The following GRIK2 variants were observed in gnomAD, a reference collection of about 807,000 sequenced individuals.
GRIK2 encodes glutamate ionotropic receptor kainate type subunit 2, also known as glutamate receptor ionotropic, kainate 2.
In GRIK2, 32 loss-of-function variants were observed where a neutral mutation model predicts 100.3. The ratio of observed to expected loss-of-function variants is 0.32; its 90% CI spans 0.24 to 0.43. The LOEUF (loss-of-function observed/expected upper bound fraction) is 0.43, where lower values mean the gene tolerates loss of function less well. Ranked by LOEUF, GRIK2 falls within the 20% of genes least tolerant of loss-of-function variation. The pLI is 1.00. For missense variants in GRIK2, 843 were observed against 1,114.9 expected (o/e 0.76, Z 3.47); for synonymous variants, 417 against 389.4 (o/e 1.07, Z -0.83).
intron 2 of GRIK2, among the ~76,000 whole-genome samples, chr6:101,533,769 A>G (rs1453253879): frequency 1.3e-5 from 2 of 151,978 alleles, no homozygotes; most frequent in Admixed American, 6.6e-5. Flanking sequence ...TGATTTTACT[A>G]TGCGACAGCC....
chr6:101,494,041 T>TTAC (rs1773297639), intron 2 of GRIK2, among the ~76,000 whole-genome samples: 1 of 134,918 alleles, frequency 7.4e-6, no homozygotes, highest in African/African-American at 2.8e-5. Context: ...TAATTTATTA[T>TTAC]ATAAAATATA....
intron 7 of GRIK2, 92 bp from the exon 8 acceptor site, chr6:101,799,556 C>T: frequency 2.2e-6 from 2 of 923,692 alleles, no homozygotes; most frequent in South Asian, 1.4e-5. Context: ...TATATATTTC[C>T]CTTACCTCTT....
At chr6:101,396,032 T>G (rs1774991326) in intron 1 of GRIK2, among the ~76,000 whole-genome samples, 1 of 152,160 alleles carries the variant, frequency 6.6e-6, no homozygotes, top group South Asian at 2.1e-4. Flanking sequence ...AGAAGCAAAT[T>G]ACAGAACTGA....
chr6:101,719,386 A>G (rs1774311035), intron 7 of GRIK2, among the ~76,000 whole-genome samples: 1 of 151,866 alleles, frequency 6.6e-6, no homozygotes, highest in Admixed American at 6.6e-5. Flanking sequence ...GCCAAACTAT[A>G]TACATGACTT....
intron 2 of GRIK2, among the ~76,000 whole-genome samples, chr6:101,560,699 G>A (rs1776963883): frequency 7.0e-6 from 1 of 142,194 alleles, no homozygotes; most frequent in Non-Finnish European, 1.5e-5. Context: ...GTAACTTGAT[G>A]CCCTTTGTAT....
Position 101,429,356 on chromosome 6 carries a change from A to G in GRIK2, c.115+29964A>G, listed in dbSNP as rs1460321091. Among the ~76,000 whole-genome samples the G allele has an allele frequency of 2.6e-5, 4 of 152,322 alleles. No homozygotes were observed. In the Middle Eastern group the frequency reaches 0.01, roughly 389 times the overall value. On this transcript the variant is annotated intron_variant, in intron 2 of 16. Coordinates refer to ENST00000369134, the MANE Select transcript of GRIK2 (RefSeq NM_021956.5). ...CGTAATGTTTCATTAACACTTAACT[A>G]GAGAGAGATGTAGTGCACACCCTAA...
At chr6:101,845,946 T>C (rs1350172448) in intron 10 of GRIK2, among the ~76,000 whole-genome samples, 1 of 152,182 alleles carries the variant, frequency 6.6e-6, no homozygotes, top group Non-Finnish European at 1.5e-5. Context: ...CTTGTTGACA[T>C]CTATATGTCT....
intron 10 of GRIK2, among the ~76,000 whole-genome samples, chr6:101,850,107 T>C (rs901122002): frequency 2.6e-5 from 4 of 152,024 alleles, no homozygotes; most frequent in African/African-American, 9.7e-5. Context: ...TCCCTGTTTC[T>C]CAAAAACGTA....
chr6:101,900,708 A>C (rs1787790758), intron 12 of GRIK2, among the ~76,000 whole-genome samples: 1 of 152,092 alleles, frequency 6.6e-6, no homozygotes, highest in African/African-American at 2.4e-5. Context: ...TGTTATAAAA[A>C]TTATTTTTAT....
At chr6:101,845,939 GTTGACATCTATATGTCTT>G (rs1783782951) in intron 10 of GRIK2, among the ~76,000 whole-genome samples, 1 of 151,772 alleles carries the variant, frequency 6.6e-6, no homozygotes, top group Admixed American at 6.6e-5. Flanking sequence ...CTGTGTGCTT[GTTGACATCTATATGTCTT>G]CTTTGGAGAA....
chr6:101,407,451 CT>C (rs1271357681), intron 2 of GRIK2, among the ~76,000 whole-genome samples: 1 of 152,074 alleles, frequency 6.6e-6, no homozygotes, highest in Non-Finnish European at 1.5e-5. Flanking sequence ...CTGAATTTTG[CT>C]GTTTTTTTCA....
intron 7 of GRIK2, among the ~76,000 whole-genome samples, chr6:101,732,707 T>G (rs1775360530): frequency 6.6e-6 from 1 of 152,122 alleles, no homozygotes; most frequent in South Asian, 2.1e-4. Flanking sequence ...TACATTACCC[T>G]TTTAAAAAGC....
intron 2 of GRIK2, among the ~76,000 whole-genome samples, chr6:101,599,432 C>T (rs1003333163): frequency 6.6e-6 from 1 of 151,552 alleles, no homozygotes; most frequent in Admixed American, 6.6e-5. Context: ...AGATATATAC[C>T]CAGTAATAGG....
At chr6:101,786,828 C>T (rs911400191) in intron 7 of GRIK2, among the ~76,000 whole-genome samples, 9 of 152,076 alleles carry the variant, frequency 5.9e-5, no homozygotes, top group African/African-American at 2.2e-4. Flanking sequence ...ATACTGACCT[C>T]ATAAAATGAG....
intron 14 of GRIK2, among the ~76,000 whole-genome samples, chr6:102,026,111 C>CATATATATATATATATATAT (rs6149730): frequency 1.0e-5 from 1 of 100,254 alleles, no homozygotes; most frequent in Non-Finnish European, 2.0e-5. Flanking sequence ...TATACACTTA[C>CATATATATATATATATATAT]ATATATATAT....
chr6:102,006,629 A>G (rs1407935267), intron 14 of GRIK2, among the ~76,000 whole-genome samples: 2 of 151,742 alleles, frequency 1.3e-5, no homozygotes, highest in African/African-American at 4.8e-5. Flanking sequence ...TGGCCTCCCA[A>G]AGTGCTGAGA....
At chr6:101,634,586 A>G (rs1401561993) in intron 4 of GRIK2, among the ~76,000 whole-genome samples, 1 of 152,128 alleles carries the variant, frequency 6.6e-6, no homozygotes, top group Non-Finnish European at 1.5e-5. Flanking sequence ...GAAGAAAATC[A>G]ACAAAAAACA....
intron 7 of GRIK2, among the ~76,000 whole-genome samples, chr6:101,726,475 A>T (rs1270230151): frequency 3.3e-5 from 5 of 152,030 alleles, no homozygotes; most frequent in Non-Finnish European, 7.4e-5. Context: ...ATATGCATAC[A>T]AACAGGAATC....
chr6:101,831,381 G>A (rs1782681330), intron 10 of GRIK2, among the ~76,000 whole-genome samples: 1 of 151,912 alleles, frequency 6.6e-6, no homozygotes, highest in Non-Finnish European at 1.5e-5. Flanking sequence ...TTCTTTTCTT[G>A]TTCTTCCTGG....
Sources: allele counts gnomAD v4.1 joint callset (sites outside exome capture counted in the v4.1 genomes callset), GRCh38; gene constraint gnomAD v4.1.1; transcripts MANE v1.5; gene names NCBI Gene and HGNC (gene_info 2026-07-23, HGNC 2026-07-21).